Variants in CNTNAP5 observed in about 807,000 individuals in gnomAD.
The protein encoded by CNTNAP5 is contactin associated protein family member 5.
Under a neutral mutation model 150.2 loss-of-function variants are expected in CNTNAP5, and 72 were observed. That is an observed-to-expected ratio of 0.48 (90% CI 0.40 to 0.58). CNTNAP5 has a LOEUF of 0.58. Ranked by LOEUF, CNTNAP5 falls within the 20% of genes least tolerant of loss-of-function variation. The pLI is 0.00. For missense variants in CNTNAP5, 1,636 were observed against 1,626.2 expected, an observed-to-expected ratio of 1.01 and a Z score of -0.10; for synonymous variants, 672 against 619.8, an observed-to-expected ratio of 1.08 and a Z score of -1.25.
intron 3 of CNTNAP5, among the ~76,000 whole-genome samples, chr2:124,395,591 C>G (rs1295263763): frequency 6.6e-6 from 1 of 152,058 alleles, no homozygotes; most frequent in African/African-American, 2.4e-5. Flanking sequence ...ACATGTGGAA[C>G]TAGCAATAAC....
intron 16 of CNTNAP5, among the ~76,000 whole-genome samples, chr2:124,767,128 A>G (rs1203054234): frequency 1.3e-5 from 2 of 152,184 alleles, no homozygotes; most frequent in Non-Finnish European, 2.9e-5. Context: ...TCTATAGACC[A>G]GGCACTTGGA....
At chr2:124,166,635 C>T (rs564966063) in intron 1 of CNTNAP5, among the ~76,000 whole-genome samples, 3 of 152,272 alleles carry the variant, frequency 2.0e-5, no homozygotes, top group African/African-American at 7.2e-5. Context: ...GCCAATAATT[C>T]AAGCTAATTA....
chr2:124,321,390 C>A (rs1689094998), intron 3 of CNTNAP5, among the ~76,000 whole-genome samples: 1 of 150,738 alleles, frequency 6.6e-6, no homozygotes, highest in Admixed American at 6.6e-5. Flanking sequence ...TTGCAGTGAG[C>A]CAAGATTGTG....
intron 3 of CNTNAP5, among the ~76,000 whole-genome samples, chr2:124,335,119 G>C (rs1689439383): frequency 6.6e-6 from 1 of 152,106 alleles, no homozygotes; most frequent in South Asian, 2.1e-4. Context: ...CTTACAAATA[G>C]TGTCTCTAGT....
chr2:124,827,515 C>G (rs1682621598), intron 19 of CNTNAP5, among the ~76,000 whole-genome samples: 1 of 152,116 alleles, frequency 6.6e-6, no homozygotes, highest in African/African-American at 2.4e-5. Flanking sequence ...AGACATCCTT[C>G]TTCTGTCATG....
chr2:124,311,073 A>C lies in CNTNAP5; in HGVS notation c.381+68680A>C, dbSNP rs113958931. ...TTCCTTACTCTGATACTGCAAGACA[A>C]CTTCAAGTCTTCTCACGTCTTCCTA... On this transcript the variant is annotated intron_variant, in intron 3 of 23. Transcript: ENST00000682447. 3.9e-3 allele frequency among the ~76,000 whole-genome samples: 587 copies of C among 152,306 alleles called. 5 individuals carry two copies. Among genetic ancestry groups the C allele is most frequent in the African/African-American group, 0.014 (566 of 41,570 alleles).
At chr2:124,436,750 G>T (rs1692540814) in intron 5 of CNTNAP5, among the ~76,000 whole-genome samples, 2 of 152,134 alleles carry the variant, frequency 1.3e-5, no homozygotes, top group South Asian at 4.1e-4. Context: ...TTCCAACCAT[G>T]GTGGTGATTA....
At chr2:124,903,725 A>T (rs1452143282) in intron 22 of CNTNAP5, among the ~76,000 whole-genome samples, 2 of 152,140 alleles carry the variant, frequency 1.3e-5, no homozygotes, top group African/African-American at 4.8e-5. Flanking sequence ...ACAATACAGT[A>T]TGAATAACTG....
chr2:124,094,594 A>C (rs1682891224), intron 1 of CNTNAP5, among the ~76,000 whole-genome samples: 1 of 152,206 alleles, frequency 6.6e-6, no homozygotes, highest in African/African-American at 2.4e-5. Flanking sequence ...TCAAAGTTTC[A>C]TGTTTGTTCA....
intron 1 of CNTNAP5, among the ~76,000 whole-genome samples, chr2:124,031,909 T>C (rs971614564): frequency 1.3e-5 from 2 of 152,316 alleles, no homozygotes; most frequent in Non-Finnish European, 2.9e-5. Flanking sequence ...GAATCCTATG[T>C]CATCTTTTTA....
At chr2:124,254,755 C>G (rs1687266643) in intron 3 of CNTNAP5, among the ~76,000 whole-genome samples, 1 of 152,162 alleles carries the variant, frequency 6.6e-6, no homozygotes, top group African/African-American at 2.4e-5. Context: ...GTCAACATCT[C>G]TTCTTGCAAC....
chr2:124,714,591 G>A (rs1328768657), intron 13 of CNTNAP5, among the ~76,000 whole-genome samples: 1 of 152,012 alleles, frequency 6.6e-6, no homozygotes, highest in African/African-American at 2.4e-5. Context: ...TCTGTTCAGA[G>A]TAAGCCCAGA....
At position 124,237,754 on chromosome 2, in the gene CNTNAP5, G is replaced by A. The variant is rs185556123; in HGVS notation, c.188-4446G>A. On this transcript the variant is annotated intron_variant, in intron 2 of 23. Coordinates refer to ENST00000682447, the MANE Select transcript of CNTNAP5 (RefSeq NM_001367498.1). ...CGGGAGGCTAAGTTGGGAGAATCGCGTCAACCCATGAGGCAGAGGTTGAAG... is the reference window on the plus strand; with the variant it reads ...CGGGAGGCTAAGTTGGGAGAATCGCATCAACCCATGAGGCAGAGGTTGAAG... Among the ~76,000 whole-genome samples, 1,331 of 152,020 alleles carry A rather than the reference G, an allele frequency of 8.8e-3. 10 individuals are homozygous for A. Among genetic ancestry groups the A allele is most frequent in the Non-Finnish European group, 0.014 (934 of 67,958 alleles).
At chr2:124,675,589 T>A (rs989398392) in intron 13 of CNTNAP5, among the ~76,000 whole-genome samples, 2 of 152,178 alleles carry the variant, frequency 1.3e-5, no homozygotes, top group South Asian at 2.1e-4. Context: ...GCATTAATCC[T>A]AACTCAATTT....
chr2:124,360,197 G>A (rs1454296023), intron 3 of CNTNAP5, among the ~76,000 whole-genome samples: 12 of 139,782 alleles, frequency 8.6e-5, no homozygotes, highest in Middle Eastern at 7.3e-3. Flanking sequence ...GCCTATGTGT[G>A]TCTCTGTACG....
intron 3 of CNTNAP5, among the ~76,000 whole-genome samples, chr2:124,408,650 T>G (rs911740848): frequency 6.6e-6 from 1 of 151,346 alleles, no homozygotes; most frequent in Non-Finnish European, 1.5e-5. Context: ...AGGCAGGGTA[T>G]TCCAACAGAC....
chr2:124,197,667 T>C (rs1431759097), intron 1 of CNTNAP5, among the ~76,000 whole-genome samples: 8 of 152,152 alleles, frequency 5.3e-5, no homozygotes, highest in Non-Finnish European at 1.0e-4. Context: ...ATTGTCCAAA[T>C]ATTTGTACCA....
At chr2:124,658,733 G>A (rs1216466802) in intron 13 of CNTNAP5, among the ~76,000 whole-genome samples, 2 of 152,290 alleles carry the variant, frequency 1.3e-5, no homozygotes, top group African/African-American at 2.4e-5. Flanking sequence ...GTGTATTACC[G>A]TAGAATATGT....
chr2:124,670,133 T>TTTCCTACCTTCCTTCC (rs1553429562), intron 13 of CNTNAP5, among the ~76,000 whole-genome samples: 1 of 112,510 alleles, frequency 8.9e-6, no homozygotes, highest in Non-Finnish European at 1.9e-5. Context: ...TCCTTCCTTC[T>TTTCCTACCTTCCTTCC]TTCCTTCCTT....
Sources: gnomAD v4.1 joint callset for allele counts (sites outside exome capture counted in the v4.1 genomes callset) on GRCh38, gnomAD v4.1.1 for gene constraint, MANE v1.5 for transcripts, NCBI Gene and HGNC (gene_info 2026-07-23, HGNC 2026-07-21) for gene names.